Variants in PON3 observed in about 807,000 individuals in gnomAD.
The protein encoded by PON3 is paraoxonase 3, also known as serum paraoxonase/lactonase 3.
Under a neutral mutation model 36.3 loss-of-function variants are expected in PON3, and 37 were observed. That is an observed-to-expected ratio of 1.02 (90% CI 0.78 to 1.34). The LOEUF is 1.34. PON3 is among the 40% of genes most tolerant of loss of function. The pLI, the probability that PON3 is intolerant of heterozygous loss-of-function variation, is 0.00. For missense variants in PON3, 415 were observed against 426.5 expected, an observed-to-expected ratio of 0.97 and a Z score of 0.24; for synonymous variants, 155 against 154.8, an observed-to-expected ratio of 1.00 and a Z score of -0.01.
chr7:95,372,655 C>T (rs1808834270), intron 3 of PON3, among the ~76,000 whole-genome samples: 1 of 152,062 alleles, frequency 6.6e-6, no homozygotes, highest in Admixed American at 6.6e-5. Flanking sequence ...CTTCACATGC[C>T]CGTACCTCAC....
chr7:95,367,231 T>A, intron 5 of PON3, 131 bp downstream of exon 5: 1 of 1,146,532 alleles, frequency 8.7e-7, no homozygotes, highest in Non-Finnish European at 1.2e-6. Context: ...ATGGGAATCA[T>A]TAGAAAGCTT....
At chr7:95,390,315 T>G in intron 2 of PON3, 106 bp from the exon 3 acceptor site, 1 of 943,576 alleles carries the variant, frequency 1.1e-6, no homozygotes, top group Non-Finnish European at 1.7e-6. Flanking sequence ...TTGGAAATTG[T>G]TGACTTGTTC....
chr7:95,363,810 A>G, intron 6 of PON3, 53 bp downstream of exon 6: 1 of 1,508,604 alleles, frequency 6.6e-7, no homozygotes, highest in Non-Finnish European at 9.2e-7. Flanking sequence ...TAAGGAAAGG[A>G]GTCCACGAAA....
At chr7:95,376,245 C>T (rs1223175487) in intron 3 of PON3, among the ~76,000 whole-genome samples, 1 of 152,198 alleles carries the variant, frequency 6.6e-6, no homozygotes, top group Non-Finnish European at 1.5e-5. Context: ...TGGGAGTTAG[C>T]TGGCAAAGTG....
chr7:95,364,240 G>A, intron 5 of PON3, 177 bp from the exon 6 acceptor site: 1 of 602,216 alleles, frequency 1.7e-6, no homozygotes, highest in African/African-American at 1.9e-5. Context: ...TGCCCTGATG[G>A]GTTTTCTTTA....
At chr7:95,380,494 G>A (rs1371823913) in intron 3 of PON3, among the ~76,000 whole-genome samples, 4 of 152,166 alleles carry the variant, frequency 2.6e-5, no homozygotes, top group African/African-American at 7.2e-5. Flanking sequence ...AACCAATGCA[G>A]AGAAGTCCTT....
chr7:95,369,945 G>A (rs1808774546), intron 4 of PON3, among the ~76,000 whole-genome samples: 1 of 152,218 alleles, frequency 6.6e-6, no homozygotes, highest in African/African-American at 2.4e-5. Context: ...AGAAGTGGCA[G>A]ACGGACATTC....
At position 95,359,943 on chromosome 7, in the gene PON3, C is replaced by CTTTTTTTT; in HGVS notation, c.*22_*29dup. 4 of 1,464,990 alleles carry CTTTTTTTT rather than the reference C, an allele frequency of 2.7e-6. No individual in the cohort carries two copies. Among genetic ancestry groups the CTTTTTTTT allele is most frequent in the Admixed American group, 3.9e-5 (2 of 51,452 alleles). 90.7% of individuals were successfully genotyped at this position (1,464,990 alleles called of 1,614,324 possible). On this transcript the variant is annotated 3_prime_UTR_variant, in exon 9 of 9. Coordinates refer to ENST00000265627, the MANE Select transcript of PON3 (RefSeq NM_000940.3). Reference sequence around the variant, plus strand: ...AGTTTACTTTTACAAAATATGTAGACTTTTTTTTTTTTTTTTTACTATCTA... The same window carrying CTTTTTTTT: ...AGTTTACTTTTACAAAATATGTAGACTTTTTTTTTTTTTTTTTTTTTTTTTACTATCTA...
At chr7:95,360,464 G>A (rs1808542790) in intron 8 of PON3, among the ~76,000 whole-genome samples, 1 of 152,138 alleles carries the variant, frequency 6.6e-6, no homozygotes, top group African/African-American at 2.4e-5. Flanking sequence ...TCTTGCCTTT[G>A]AGATTACAGT....
intron 1 of PON3, 96 bp from the exon 2 acceptor site, chr7:95,394,810 T>A: frequency 1.0e-6 from 1 of 957,342 alleles, no homozygotes; most frequent in East Asian, 2.4e-5. Context: ...TGGTTAACTA[T>A]CTTTATCATA....
chr7:95,372,275 C>A lies in PON3; in HGVS notation c.265G>T (p.Asp89Tyr). The change falls in exon 4 of 9, where the codon GAT becomes TAT. Residue 89 changes from aspartate to tyrosine, a missense_variant. Transcript: ENST00000265627. The part of the protein sequence containing the change: ...PDEPGKIFLM[D>Y]LNEQNPRAQA... ...GCCCTTGGGTTTTGTTCATTCAGAT[C>A]CATCAAGAAGATTTTTCCTGGTTCA... 2 of 1,613,926 alleles carry A rather than the reference C, an allele frequency of 1.2e-6. No individual in the cohort carries two copies. The highest frequency in any genetic ancestry group is 1.7e-6 in the Non-Finnish European group (2 of 1,179,880).
chr7:95,386,204 G>GA (rs1011982700), intron 3 of PON3, among the ~76,000 whole-genome samples: 2 of 151,980 alleles, frequency 1.3e-5, no homozygotes, highest in Admixed American at 6.6e-5. Flanking sequence ...CTGCTCTTTT[G>GA]AAAAAATCAA....
chr7:95,389,300 A>G (rs955408833), intron 3 of PON3, among the ~76,000 whole-genome samples: 2 of 152,216 alleles, frequency 1.3e-5, no homozygotes, highest in African/African-American at 4.8e-5. Context: ...TTATGAATTT[A>G]TAAATTCAGG....
At chr7:95,378,657 C>CT (rs1298139718) in intron 3 of PON3, among the ~76,000 whole-genome samples, 1 of 152,168 alleles carries the variant, frequency 6.6e-6, no homozygotes, top group Non-Finnish European at 1.5e-5. Context: ...CCAAACTAAG[C>CT]TTCATAAGTG....
At chr7:95,362,302 AC>A in intron 8 of PON3, 59 bp downstream of exon 8, 1 of 1,601,426 alleles carries the variant, frequency 6.2e-7, no homozygotes. Context: ...CTTCCAAGTC[AC>A]CCCAACAAAT....
intron 4 of PON3, among the ~76,000 whole-genome samples, chr7:95,368,306 G>A (rs529459613): frequency 7.9e-5 from 12 of 152,144 alleles, no homozygotes; most frequent in Non-Finnish European, 1.0e-4. Flanking sequence ...TTTTAAGCAC[G>A]TGATGGAACA....
intron 3 of PON3, among the ~76,000 whole-genome samples, chr7:95,389,543 C>T (rs1368462633): frequency 6.6e-6 from 1 of 152,108 alleles, no homozygotes; most frequent in African/African-American, 2.4e-5. Context: ...CATAAATACA[C>T]ATTTTTTTGT....
chr7:95,387,018 C>A (rs1809207740), intron 3 of PON3, among the ~76,000 whole-genome samples: 1 of 152,172 alleles, frequency 6.6e-6, no homozygotes, highest in African/African-American at 2.4e-5. Context: ...GACAAATCCA[C>A]AGCCAATATC....
chr7:95,378,414 A>G (rs577714752), intron 3 of PON3, among the ~76,000 whole-genome samples: 13 of 152,234 alleles, frequency 8.5e-5, no homozygotes, highest in African/African-American at 3.1e-4. Context: ...CACCACAAAG[A>G]TACTCCTTGA....
Sources: allele counts gnomAD v4.1 joint callset (sites outside exome capture counted in the v4.1 genomes callset), GRCh38; gene constraint gnomAD v4.1.1; transcripts MANE v1.5; gene names NCBI Gene and HGNC (gene_info 2026-07-23, HGNC 2026-07-21).